The following CNTN4 variants were observed in gnomAD, a reference collection of about 807,000 sequenced individuals.
CNTN4 encodes the protein contactin-4.
CNTN4 carries 77 observed loss-of-function variants against 122.5 expected under a neutral mutation model. That is an observed-to-expected ratio of 0.63 (90% CI 0.52 to 0.76). The LOEUF (loss-of-function observed/expected upper bound fraction) is 0.76. CNTN4 is among the 30% of genes least tolerant of loss of function. The pLI, the probability that CNTN4 is intolerant of heterozygous loss-of-function variation, is 0.00. For missense variants in CNTN4, 1,256 were observed against 1,259.1 expected (o/e 1.00, Z 0.04); for synonymous variants, 512 against 447.0 (o/e 1.15, Z -1.83).
intron 8 of CNTN4, among the ~76,000 whole-genome samples, chr3:2,872,207 G>A (rs891269663): frequency 2.6e-5 from 4 of 152,134 alleles, no homozygotes; most frequent in African/African-American, 7.2e-5. Context: ...AGAAATAGTA[G>A]CCTTCGATGA....
rs771830043 is a variant in CNTN4, at chr3:3,040,040, G to A, written c.2167G>A (p.Val723Ile). 1 of 1,607,110 alleles carries A rather than the reference G, an allele frequency of 6.2e-7. No homozygotes were observed. The highest frequency in any genetic ancestry group is 2.2e-5 in the East Asian group (1 of 44,832). ...GACCACCTTCCTTCTTTCCCAGACG[G>A]TCCCTGAGGAATTACAGAATGGTCG... Reference protein sequence around the residue: ...KSELVITWETVPEELQNGRGF... With the variant: ...KSELVITWETIPEELQNGRGF... The change falls in exon 20 of 25, where the codon GTC becomes ATC. Residue 723 changes from valine to isoleucine, a missense_variant. Val to Ile is a conservative substitution (Grantham distance 29, BLOSUM62 3). Coordinates refer to ENST00000418658, the MANE Select transcript of CNTN4 (RefSeq NM_175607.3).
chr3:2,634,154 G>A (rs971059909), intron 4 of CNTN4, among the ~76,000 whole-genome samples: 2 of 152,174 alleles, frequency 1.3e-5, no homozygotes, highest in Middle Eastern at 3.2e-3. Flanking sequence ...AAATGTATTA[G>A]CTTCCACTCT....
In CNTN4 at chr3:2,275,649, C is replaced by T. The variant is rs1209533155; in HGVS notation, c.-144-63529C>T. 2.6e-5 allele frequency among the ~76,000 whole-genome samples: 4 copies of T among 151,976 alleles called. No individual in the cohort carries two copies. In the South Asian group the frequency reaches 6.2e-4, roughly 24 times the overall value. ...CAAAAAATTAAATCTTGGCCAGGCG[C>T]GGTGGGTAACACCTGTAATCCCAGC... On this transcript the variant is annotated intron_variant, in intron 2 of 24. Coordinates refer to ENST00000418658, the MANE Select transcript of CNTN4 (RefSeq NM_175607.3).
At chr3:2,962,115 A>T (rs992078514) in intron 13 of CNTN4, among the ~76,000 whole-genome samples, 3 of 152,230 alleles carry the variant, frequency 2.0e-5, no homozygotes, top group African/African-American at 7.2e-5. Flanking sequence ...GGTCAACCCT[A>T]TATGATTTTT....
At chr3:2,439,981 C>T (rs1243754151) in intron 3 of CNTN4, among the ~76,000 whole-genome samples, 1 of 152,086 alleles carries the variant, frequency 6.6e-6, no homozygotes. Flanking sequence ...CTAGTGCTAG[C>T]AAAAGCCTCT....
intron 2 of CNTN4, among the ~76,000 whole-genome samples, chr3:2,133,068 T>C (rs982907865): frequency 2.2e-4 from 33 of 152,178 alleles, no homozygotes; most frequent in African/African-American, 6.5e-4. Context: ...GGACTTGATA[T>C]TAGGACACCA....
chr3:2,588,650 C>T (rs531923757), intron 4 of CNTN4, among the ~76,000 whole-genome samples: 2 of 152,082 alleles, frequency 1.3e-5, no homozygotes, highest in South Asian at 4.1e-4. Flanking sequence ...CAGGTGTGAG[C>T]CACCACGCCT....
chr3:2,998,653 A>G (rs960279608), intron 14 of CNTN4, among the ~76,000 whole-genome samples: 3 of 152,172 alleles, frequency 2.0e-5, no homozygotes, highest in Non-Finnish European at 4.4e-5. Flanking sequence ...CAGATTAAAA[A>G]AAAAAGTCAA....
At chr3:2,340,708 T>TAGAGAGAGAGAGAGAGAGAGGGGG (rs1414538595) in intron 3 of CNTN4, among the ~76,000 whole-genome samples, 1 of 25,362 alleles carries the variant, frequency 3.9e-5, no homozygotes, top group Non-Finnish European at 1.1e-4. Flanking sequence ...TATATATATA[T>TAGAGAGAGAGAGAGAGAGAGGGGG]ATAGAGAGAG....
intron 3 of CNTN4, among the ~76,000 whole-genome samples, chr3:2,451,052 A>C (rs9831733): frequency 0.017 from 2,558 of 152,306 alleles, 76 homozygotes; most frequent in African/African-American, 0.058. Flanking sequence ...CTACTCAATT[A>C]CTTTTCTATG....
intron 4 of CNTN4, among the ~76,000 whole-genome samples, chr3:2,621,298 C>G (rs1480633057): frequency 6.6e-6 from 1 of 152,176 alleles, no homozygotes; most frequent in Non-Finnish European, 1.5e-5. Flanking sequence ...TGCTCCTTTC[C>G]ACAAGTTTTA....
chr3:2,669,686 G>A (rs952109457), intron 4 of CNTN4, among the ~76,000 whole-genome samples: 2 of 152,110 alleles, frequency 1.3e-5, no homozygotes, highest in African/African-American at 4.8e-5. Flanking sequence ...TGTGATGTTA[G>A]GGTGTCAATT....
intron 2 of CNTN4, among the ~76,000 whole-genome samples, chr3:2,193,746 G>C (rs1011437360): frequency 6.6e-6 from 1 of 152,134 alleles, no homozygotes; most frequent in Non-Finnish European, 1.5e-5. Flanking sequence ...GGCCCCATAA[G>C]ATTATAATAC....
At chr3:2,234,552 T>C (rs1288626981) in intron 2 of CNTN4, among the ~76,000 whole-genome samples, 1 of 152,146 alleles carries the variant, frequency 6.6e-6, no homozygotes, top group Admixed American at 6.5e-5. Flanking sequence ...CTGCTGATTC[T>C]ATTAAGAAAA....
chr3:2,440,500 A>G (rs974703146), intron 3 of CNTN4, among the ~76,000 whole-genome samples: 1 of 152,196 alleles, frequency 6.6e-6, no homozygotes, highest in Non-Finnish European at 1.5e-5. Flanking sequence ...CAAGAGTTCC[A>G]GTTCCTCTCT....
At chr3:2,470,420 T>C (rs2075645524) in intron 3 of CNTN4, among the ~76,000 whole-genome samples, 1 of 152,138 alleles carries the variant, frequency 6.6e-6, no homozygotes, top group South Asian at 2.1e-4. Context: ...AGTTTTACGC[T>C]TCTCAACAGT....
intron 2 of CNTN4, among the ~76,000 whole-genome samples, chr3:2,236,283 A>G (rs983897844): frequency 1.3e-5 from 2 of 152,190 alleles, no homozygotes; most frequent in Non-Finnish European, 2.9e-5. Context: ...CTGATTAGCA[A>G]TGAAACCACA....
At chr3:2,987,376 T>C (rs1246705102) in intron 13 of CNTN4, among the ~76,000 whole-genome samples, 1 of 152,188 alleles carries the variant, frequency 6.6e-6, no homozygotes, top group African/African-American at 2.4e-5. Flanking sequence ...ATTTAAATTT[T>C]AAAAGATCAT....
At chr3:2,151,217 G>A (rs925222256) in intron 2 of CNTN4, among the ~76,000 whole-genome samples, 2 of 152,104 alleles carry the variant, frequency 1.3e-5, no homozygotes, top group African/African-American at 2.4e-5. Flanking sequence ...GAGCCACTTC[G>A]CCTGGCCAAC....
Sources: allele counts gnomAD v4.1 joint callset (sites outside exome capture counted in the v4.1 genomes callset), GRCh38; gene constraint gnomAD v4.1.1; transcripts MANE v1.5; gene names NCBI Gene and HGNC (gene_info 2026-07-23, HGNC 2026-07-21).